Variants in C1QTNF3 observed in about 807,000 individuals in gnomAD.
The protein encoded by C1QTNF3 is complement C1q tumor necrosis factor-related protein 3.
In C1QTNF3, 26 loss-of-function variants were observed where a neutral mutation model predicts 32.6. The ratio of observed to expected loss-of-function variants is 0.80; its 90% CI spans 0.58 to 1.11. C1QTNF3 has a LOEUF of 1.11. C1QTNF3 is among the 50% of genes least tolerant of loss of function. C1QTNF3 has a pLI of 0.00. For missense variants in C1QTNF3, 362 were observed against 398.2 expected (o/e 0.91, Z 0.77); for synonymous variants, 155 against 146.0 (o/e 1.06, Z -0.44).
At chr5:34,172,510 C>G in the C1QTNF3 span, among the ~76,000 whole-genome samples, 108 of 152,166 alleles carry the variant, frequency 7.1e-4, no homozygotes, top group African/African-American at 2.6e-3. Context: ...AATTGAGTAA[C>G]TTTATTCTTT....
the C1QTNF3 span, among the ~76,000 whole-genome samples, chr5:34,139,617 C>A: frequency 1.3e-5 from 2 of 151,326 alleles, no homozygotes; most frequent in African/African-American, 2.4e-5. Context: ...TTTTTTTTTA[C>A]TTGACAAACT....
chr5:34,244,177 C>T, the C1QTNF3 span, among the ~76,000 whole-genome samples: 1 of 152,096 alleles, frequency 6.6e-6, no homozygotes, highest in Non-Finnish European at 1.5e-5. Flanking sequence ...TACAAAAAAC[C>T]AATTTTATAA....
chr5:34,188,967 C>A, the C1QTNF3 span, among the ~76,000 whole-genome samples: 1 of 150,860 alleles, frequency 6.6e-6, no homozygotes, highest in African/African-American at 2.5e-5. Context: ...AGGCAGTTTC[C>A]CCCATGCTGT....
chr5:34,059,818 T>C, the C1QTNF3 span, among the ~76,000 whole-genome samples: 1 of 152,130 alleles, frequency 6.6e-6, no homozygotes. Context: ...GGGACACAGT[T>C]CAGCCCATAA....
At chr5:34,176,069 G>A in the C1QTNF3 span, 5 of 598,866 alleles carry the variant, frequency 8.3e-6, no homozygotes, top group African/African-American at 9.3e-5. Flanking sequence ...GGGGGCTGTA[G>A]TGACTGCAGG....
chr5:34,145,261 C>A, the C1QTNF3 span, among the ~76,000 whole-genome samples: 1 of 152,056 alleles, frequency 6.6e-6, no homozygotes, highest in Admixed American at 6.5e-5. Flanking sequence ...AGAGCACTAT[C>A]TGAATTAACA....
the C1QTNF3 span, among the ~76,000 whole-genome samples, chr5:34,235,765 T>C: frequency 6.6e-6 from 1 of 152,230 alleles, no homozygotes; most frequent in Admixed American, 6.5e-5. Flanking sequence ...TACTTGTCCA[T>C]TTAATACTAA....
the C1QTNF3 span, among the ~76,000 whole-genome samples, chr5:34,226,434 A>G: frequency 0.011 from 1,637 of 149,618 alleles, 29 homozygotes; most frequent in African/African-American, 0.039. Flanking sequence ...GACTGGTACA[A>G]TAACTATCTA....
At chr5:34,210,095 C>G in the C1QTNF3 span, among the ~76,000 whole-genome samples, 1 of 151,948 alleles carries the variant, frequency 6.6e-6, no homozygotes, top group African/African-American at 2.4e-5. Context: ...GAAAGTCAAT[C>G]TTTTTATAAA....
chr5:34,226,812 A>G, the C1QTNF3 span, among the ~76,000 whole-genome samples: 1,481 of 151,208 alleles, frequency 9.8e-3, 27 homozygotes, highest in African/African-American at 0.034. Flanking sequence ...TACAGAAAAG[A>G]AAGTGTTATT....
the C1QTNF3 span, among the ~76,000 whole-genome samples, chr5:34,101,490 ATTT>A: frequency 6.6e-6 from 1 of 151,312 alleles, no homozygotes; most frequent in Non-Finnish European, 1.5e-5. Context: ...GTTTTCTATT[ATTT>A]TTTATTACTA....
chr5:34,232,429 C>T, the C1QTNF3 span, among the ~76,000 whole-genome samples: 1 of 151,644 alleles, frequency 6.6e-6, no homozygotes, highest in Non-Finnish European at 1.5e-5. Context: ...AATAATATGG[C>T]TTGGCCCTCT....
the C1QTNF3 span, among the ~76,000 whole-genome samples, chr5:34,075,876 GGTGTGTGT>G: frequency 1.5e-4 from 22 of 147,020 alleles, 1 homozygote; most frequent in Middle Eastern, 7.0e-3. Flanking sequence ...AAACAATTAT[GGTGTGTGT>G]GTGTGTGTGT....
At chr5:34,174,904 C>G in the C1QTNF3 span, among the ~76,000 whole-genome samples, 1 of 151,076 alleles carries the variant, frequency 6.6e-6, no homozygotes, top group African/African-American at 2.4e-5. Context: ...CCCACCACCA[C>G]GCCCGGCTGA....
the C1QTNF3 span, among the ~76,000 whole-genome samples, chr5:34,132,261 T>TG: frequency 6.6e-6 from 1 of 151,918 alleles, no homozygotes; most frequent in African/African-American, 2.4e-5. Context: ...GACAGATGCC[T>TG]GTAATCCAAG....
chr5:34,227,285 TAC>T, the C1QTNF3 span, among the ~76,000 whole-genome samples: 1 of 151,220 alleles, frequency 6.6e-6, no homozygotes, highest in Non-Finnish European at 1.5e-5. Context: ...CAGTATGTAC[TAC>T]AGTTAATTTT....
At chr5:34,052,206 T>G in the C1QTNF3 span, among the ~76,000 whole-genome samples, 2 of 152,194 alleles carry the variant, frequency 1.3e-5, no homozygotes, top group African/African-American at 2.4e-5. Flanking sequence ...CAGAATTAAT[T>G]TATTACTACA....
the C1QTNF3 span, among the ~76,000 whole-genome samples, chr5:34,055,329 A>T: frequency 6.6e-6 from 1 of 152,244 alleles, no homozygotes; most frequent in Non-Finnish European, 1.5e-5. Context: ...CTCCAAACTT[A>T]AGTACTACAC....
At chr5:34,091,512 G>A in the C1QTNF3 span, among the ~76,000 whole-genome samples, 1 of 152,138 alleles carries the variant, frequency 6.6e-6, no homozygotes, top group African/African-American at 2.4e-5. Context: ...AAAAACTAAT[G>A]TTGTCTTTAT....
Sources: gnomAD v4.1 joint callset for allele counts (sites outside exome capture counted in the v4.1 genomes callset) on GRCh38, gnomAD v4.1.1 for gene constraint, MANE v1.5 for transcripts, NCBI Gene and HGNC (gene_info 2026-07-23, HGNC 2026-07-21) for gene names.